Variants in GALNTL6 observed in about 807,000 individuals in gnomAD.
GALNTL6 encodes the protein polypeptide N-acetylgalactosaminyltransferase like 6, also known as polypeptide N-acetylgalactosaminyltransferase-like 6.
A neutral mutation model predicts 73.7 loss-of-function variants in GALNTL6; 46 were observed. The observed-to-expected ratio is 0.62, with a 90% confidence interval of 0.49 to 0.80. GALNTL6 has a LOEUF of 0.80. GALNTL6 is among the 30% of genes least tolerant of loss of function. GALNTL6 has a pLI of 0.00. For missense variants in GALNTL6, 604 were observed against 755.0 expected (o/e 0.80, Z 2.34); for synonymous variants, 259 against 263.7 (o/e 0.98, Z 0.17).
intron 5 of GALNTL6, among the ~76,000 whole-genome samples, chr4:172,606,611 C>CTATATATATACTAT (rs1457182843): frequency 5.2e-5 from 6 of 116,328 alleles, no homozygotes; most frequent in African/African-American, 1.8e-4. Flanking sequence ...TACATATATA[C>CTATATATATACTAT]ATATATAGTA....
intron 8 of GALNTL6, among the ~76,000 whole-genome samples, chr4:172,908,660 C>T (rs1169495574): frequency 2.0e-5 from 3 of 146,672 alleles, no homozygotes; most frequent in Non-Finnish European, 4.5e-5. Context: ...ATATGGAAAA[C>T]AATAGCCTTT....
intron 2 of GALNTL6, among the ~76,000 whole-genome samples, chr4:172,066,279 G>A (rs1386826896): frequency 6.6e-6 from 1 of 152,154 alleles, no homozygotes; most frequent in Non-Finnish European, 1.5e-5. Context: ...ACTCCTGGAA[G>A]CCACTGATCT....
intron 7 of GALNTL6, among the ~76,000 whole-genome samples, chr4:172,845,944 G>T (rs1015540147): frequency 6.6e-6 from 1 of 152,128 alleles, no homozygotes; most frequent in Non-Finnish European, 1.5e-5. Flanking sequence ...ATAAATATAA[G>T]TTCTATCCTA....
At chr4:171,838,304 G>A (rs897494483) in intron 2 of GALNTL6, among the ~76,000 whole-genome samples, 2 of 151,768 alleles carry the variant, frequency 1.3e-5, no homozygotes, top group Admixed American at 1.3e-4. Context: ...TGAATTTTTG[G>A]TAGAGAGGGG....
chr4:172,783,405 A>G (rs901710940), intron 5 of GALNTL6, among the ~76,000 whole-genome samples: 10 of 147,530 alleles, frequency 6.8e-5, no homozygotes, highest in African/African-American at 2.5e-4. Context: ...ATATTATAAT[A>G]TTATTTATAA....
intron 5 of GALNTL6, among the ~76,000 whole-genome samples, chr4:172,472,867 GT>G (rs986011863): frequency 1.6e-4 from 25 of 152,182 alleles, no homozygotes; most frequent in Middle Eastern, 6.8e-3. Context: ...AAAAGAATAA[GT>G]TTTTTGTTGC....
At chr4:172,792,913 A>T (rs1425493332) in intron 5 of GALNTL6, among the ~76,000 whole-genome samples, 1 of 151,922 alleles carries the variant, frequency 6.6e-6, no homozygotes, top group African/African-American at 2.4e-5. Flanking sequence ...CCCTTTCAGA[A>T]TTTTGTATGT....
At chr4:172,645,802 G>A (rs1321223809) in intron 5 of GALNTL6, among the ~76,000 whole-genome samples, 1 of 151,944 alleles carries the variant, frequency 6.6e-6, no homozygotes, top group Non-Finnish European at 1.5e-5. Context: ...TAAACTAAGG[G>A]TATGATCTAA....
At chr4:172,398,860 G>A (rs1277613843) in intron 5 of GALNTL6, among the ~76,000 whole-genome samples, 1 of 151,584 alleles carries the variant, frequency 6.6e-6, no homozygotes, top group Non-Finnish European at 1.5e-5. Context: ...GCCAATGTTT[G>A]GGTTTTTTTT....
chr4:172,184,652 G>T (rs775759239), intron 2 of GALNTL6, among the ~76,000 whole-genome samples: 2 of 152,094 alleles, frequency 1.3e-5, no homozygotes, highest in Non-Finnish European at 2.9e-5. Context: ...AACATTTCTA[G>T]TAAGTCTCTT....
chr4:171,992,138 G>C (rs1214052271), intron 2 of GALNTL6, among the ~76,000 whole-genome samples: 1 of 152,026 alleles, frequency 6.6e-6, no homozygotes, highest in Admixed American at 6.6e-5. Flanking sequence ...GTGGAAAGCA[G>C]TGAATTGGCT....
intron 2 of GALNTL6, among the ~76,000 whole-genome samples, chr4:172,007,831 T>C (rs1000324013): frequency 5.9e-5 from 9 of 152,152 alleles, no homozygotes; most frequent in African/African-American, 1.9e-4. Context: ...TAAATTATCC[T>C]TCCCTTTTAT....
chr4:172,075,227 A>T (rs1025442322), intron 2 of GALNTL6, among the ~76,000 whole-genome samples: 1 of 152,154 alleles, frequency 6.6e-6, no homozygotes, highest in Non-Finnish European at 1.5e-5. Flanking sequence ...ATCCATCTAA[A>T]TTCTAATTTT....
chr4:172,461,015 T>G (rs1579092643), intron 5 of GALNTL6, among the ~76,000 whole-genome samples: 1 of 152,184 alleles, frequency 6.6e-6, no homozygotes, highest in African/African-American at 2.4e-5. Flanking sequence ...GGCCCATATA[T>G]ACCATGGAAT....
chr4:172,226,753 G>A (rs1410263851), intron 2 of GALNTL6, among the ~76,000 whole-genome samples: 1 of 151,700 alleles, frequency 6.6e-6, no homozygotes, highest in African/African-American at 2.4e-5. Flanking sequence ...CTCTAATTTT[G>A]TTTGTTTTTC....
intron 10 of GALNTL6, among the ~76,000 whole-genome samples, chr4:172,967,465 C>A (rs1443507199): frequency 2.0e-5 from 3 of 152,012 alleles, no homozygotes; most frequent in Admixed American, 6.6e-5. Flanking sequence ...CAGAACTAAT[C>A]ATACACATTC....
At chr4:172,625,751 G>T (rs1286421968) in intron 5 of GALNTL6, among the ~76,000 whole-genome samples, 1 of 151,936 alleles carries the variant, frequency 6.6e-6, no homozygotes, top group Non-Finnish European at 1.5e-5. Flanking sequence ...TTGTGGCTTC[G>T]ATTTACAATT....
At chr4:172,722,637 GA>G (rs1334175926) in intron 5 of GALNTL6, among the ~76,000 whole-genome samples, 1 of 151,970 alleles carries the variant, frequency 6.6e-6, no homozygotes, top group Non-Finnish European at 1.5e-5. Flanking sequence ...ATTGAAAAAT[GA>G]AAAAAATAAT....
At chr4:172,656,939 C>A (rs76666273) in intron 5 of GALNTL6, among the ~76,000 whole-genome samples, 1 of 141,710 alleles carries the variant, frequency 7.1e-6, no homozygotes, top group Non-Finnish European at 1.6e-5. Flanking sequence ...TTTTTTTTTT[C>A]TTTCTGCTCT....
Sources: allele counts gnomAD v4.1 joint callset (sites outside exome capture counted in the v4.1 genomes callset), GRCh38; gene constraint gnomAD v4.1.1; transcripts MANE v1.5; gene names NCBI Gene and HGNC (gene_info 2026-07-23, HGNC 2026-07-21).